Variants in SI observed in about 807,000 individuals in gnomAD.
SI encodes the protein sucrase-isomaltase, intestinal.
A neutral mutation model predicts 253.3 loss-of-function variants in SI; 235 were observed. That is an observed-to-expected ratio of 0.93 (90% CI 0.83 to 1.03). The LOEUF is 1.03. Among genes scored for constraint, SI ranks in the 50% least tolerant of loss-of-function variants. The probability of loss-of-function intolerance (pLI) is 0.00; values close to 1 mark genes in which losing one functional copy is unlikely to be tolerated. For missense variants in SI, 2,442 were observed against 2,211.1 expected (o/e 1.10, Z -2.09); for synonymous variants, 819 against 712.0 (o/e 1.15, Z -2.39).
upstream of SI, among the ~76,000 whole-genome samples, chr3:165,080,570 C>T (rs1715276068): frequency 6.6e-6 from 1 of 151,884 alleles, no homozygotes; most frequent in Non-Finnish European, 1.5e-5. Flanking sequence ...TACTATGCAG[C>T]CATAAAAAAG....
chr3:164,990,033 TACA>T (rs1717655930), intron 44 of SI, among the ~76,000 whole-genome samples: 1 of 152,122 alleles, frequency 6.6e-6, no homozygotes, highest in Non-Finnish European at 1.5e-5. Flanking sequence ...CCAGAGAATT[TACA>T]ACATCAACAG....
intron 3 of SI, among the ~76,000 whole-genome samples, 178 bp from the exon 4 acceptor site, chr3:165,069,373 A>G (rs1286844468): frequency 6.6e-6 from 1 of 152,088 alleles, no homozygotes; most frequent in East Asian, 1.9e-4. Flanking sequence ...TATTTAATAA[A>G]TTGAATTAAT....
In SI at chr3:164,991,337, T is replaced by C. The variant is rs149803140; in HGVS notation, c.5108+16A>G. 52 of 1,613,560 alleles carry C rather than the reference T, an allele frequency of 3.2e-5. 1 individual carries two copies. The highest frequency in any genetic ancestry group is 3.3e-4 in the Middle Eastern group (2 of 6,056). ...ATCTCAAAATTTAACCTGAGCTTTG[T>C]AAACAGTTCACTTACCTGTAAAATG... On this transcript the variant is annotated intron_variant, in intron 44 of 47. Transcript: ENST00000264382.
intron 47 of SI, among the ~76,000 whole-genome samples, 182 bp from the exon 48 acceptor site, chr3:164,979,612 C>A (rs1354714143): frequency 6.6e-6 from 1 of 151,704 alleles, no homozygotes; most frequent in Admixed American, 6.6e-5. Context: ...CCCAACCTAT[C>A]CATTTTACCT....
intron 22 of SI, among the ~76,000 whole-genome samples, chr3:165,035,862 T>C (rs1712504745): frequency 6.6e-6 from 1 of 151,694 alleles, no homozygotes; most frequent in African/African-American, 2.4e-5. Context: ...AGATTACTTT[T>C]AAACATTTTG....
At chr3:165,023,870 G>T in intron 25 of SI, 94 bp from the exon 26 acceptor site, 1 of 852,846 alleles carries the variant, frequency 1.2e-6, no homozygotes, top group Non-Finnish European at 2.0e-6. Flanking sequence ...CACATTGTAT[G>T]ATTTACAAGT....
chr3:164,995,102 A>G (rs1344052318), intron 40 of SI, among the ~76,000 whole-genome samples: 2 of 151,826 alleles, frequency 1.3e-5, no homozygotes, highest in African/African-American at 2.4e-5. Context: ...AAGCAAGGCC[A>G]TCACAAAGCT....
chr3:164,991,394 G>A lies in SI; in HGVS notation c.5067C>T (p.His1689=), dbSNP rs753910929. The part of the protein sequence containing the change: ...DTINLHVRGG[H]ILPCQEPAQN... ...GAGCTGGCTCTTGACATGGTAGGATGTGACCACCACGGACATGTAGGTTTA... is the reference window on the plus strand; with the variant it reads ...GAGCTGGCTCTTGACATGGTAGGATATGACCACCACGGACATGTAGGTTTA... Residue 1689 remains histidine, a synonymous_variant, in exon 44 of 48, where the codon CAC becomes CAT. Coordinates refer to ENST00000264382, the MANE Select transcript of SI (RefSeq NM_001041.4). 1.9e-6 allele frequency: 3 copies of A among 1,613,564 alleles called. No individual in the cohort carries two copies. In the African/African-American group the frequency reaches 4.0e-5, roughly 22 times the overall value.
intron 21 of SI, 95 bp from the exon 22 acceptor site, chr3:165,036,572 G>A (rs1712543542): frequency 2.5e-6 from 2 of 795,768 alleles, no homozygotes; most frequent in African/African-American, 1.7e-5. Flanking sequence ...TCTGTTTTAT[G>A]GGCCCTGAAT....
Position 165,047,028 on chromosome 3 carries a change from A to G in SI, c.1716-16T>C. The G allele has an allele frequency of 6.6e-7, 1 of 1,513,630 alleles. No individual in the cohort carries two copies. The highest frequency in any genetic ancestry group is 2.3e-5 in the East Asian group (1 of 43,102). The allele number at this position is 1,513,630 out of a possible 1,614,324, so 93.8% of individuals were successfully genotyped here. ...TTGTACAGCTCTAAAAATAAAACCAAATTAACAAATACAATTTATTTTAAA... is the reference window on the plus strand; with the variant it reads ...TTGTACAGCTCTAAAAATAAAACCAGATTAACAAATACAATTTATTTTAAA... On this transcript the variant is annotated splice_polypyrimidine_tract_variant and intron_variant, in intron 15 of 47. Coordinates refer to ENST00000264382, the MANE Select transcript of SI (RefSeq NM_001041.4).
chr3:165,031,339 T>C (rs1712227400), intron 24 of SI, among the ~76,000 whole-genome samples: 1 of 147,840 alleles, frequency 6.8e-6, no homozygotes, highest in South Asian at 2.1e-4. Context: ...ACAGCAGAAT[T>C]ATGAAGATTA....
chr3:165,042,193 CA>C (rs1454339834), intron 17 of SI, among the ~76,000 whole-genome samples: 1 of 152,076 alleles, frequency 6.6e-6, no homozygotes, highest in African/African-American at 2.4e-5. Flanking sequence ...TAATTTCTAT[CA>C]AAATCTCCCA....
intron 9 of SI, 125 bp from the exon 10 acceptor site, chr3:165,060,152 ACAAACCTTTAGTGTTAC>A (rs1452980199): frequency 1.2e-6 from 1 of 836,332 alleles, no homozygotes; most frequent in Non-Finnish European, 1.9e-6. Context: ...TATAATTTAA[ACAAACCTTTAGTGTTAC>A]CTGGATTCTA....
chr3:165,030,731 C>A lies in SI; in HGVS notation c.2873G>T (p.Arg958Leu). ...TATTACCGTTCTCCATACACAGCCA[C>A]GTTGTGTGCACTTTTGTTCAGTTGC... is the stretch of plus-strand genomic sequence containing the variant. ...DLATEQKCTQ[R>L]GCVWRTGSSL... Residue 958 changes from arginine to leucine, a missense_variant, in exon 25 of 48, where the codon CGT becomes CTT. By Grantham distance (102) the Arg-to-Leu change is moderately radical. Transcript: ENST00000264382. 1 of 1,608,798 alleles carries A rather than the reference C, an allele frequency of 6.2e-7. No individual in the cohort carries two copies. The highest frequency in any genetic ancestry group is 1.1e-5 in the South Asian group (1 of 90,938).
At chr3:165,075,409 A>C (rs1370155171) in intron 2 of SI, among the ~76,000 whole-genome samples, 1 of 151,984 alleles carries the variant, frequency 6.6e-6, no homozygotes, top group East Asian at 1.9e-4. Context: ...TCAGAAACAG[A>C]TAATTAAACT....
At chr3:164,991,533 A>G in intron 43 of SI, 56 bp from the exon 44 acceptor site, 2 of 1,577,156 alleles carry the variant, frequency 1.3e-6, no homozygotes, top group Admixed American at 1.7e-5. Context: ...ATCATCAGCA[A>G]CACTGGTAGT....
chr3:165,003,861 G>C (rs968279033), intron 37 of SI, among the ~76,000 whole-genome samples: 3 of 151,716 alleles, frequency 2.0e-5, no homozygotes, highest in Admixed American at 2.0e-4. Flanking sequence ...CAGAGAAAAG[G>C]GAAATAAGAA....
At chr3:165,076,244 G>C (rs1560022876) in intron 1 of SI, among the ~76,000 whole-genome samples, 1 of 151,630 alleles carries the variant, frequency 6.6e-6, no homozygotes. Flanking sequence ...GCAATTTAAA[G>C]TAAAAGGAAT....
chr3:165,063,311 T>C, intron 8 of SI, 131 bp downstream of exon 8: 5 of 492,648 alleles, frequency 1.0e-5, no homozygotes, highest in Non-Finnish European at 1.8e-5. Context: ...CTTCTTATAA[T>C]AATGTCACAT....
Sources: gnomAD v4.1 joint callset for allele counts (sites outside exome capture counted in the v4.1 genomes callset) on GRCh38, gnomAD v4.1.1 for gene constraint, MANE v1.5 for transcripts, NCBI Gene and HGNC (gene_info 2026-07-23, HGNC 2026-07-21) for gene names.